The following A2ML1 variants were observed in gnomAD, a reference collection of about 807,000 sequenced individuals.
The protein encoded by A2ML1 is alpha-2-macroglobulin-like protein 1.
A neutral mutation model predicts 181.9 loss-of-function variants in A2ML1; 161 were observed. The observed-to-expected ratio is 0.89, with a 90% CI of 0.78 to 1.01. The LOEUF is 1.01. Among genes scored for constraint, A2ML1 ranks in the 50% least tolerant of loss-of-function variants. The probability of loss-of-function intolerance (pLI) is 0.00; values close to 1 mark genes in which losing one functional copy is unlikely to be tolerated. For missense variants in A2ML1, 1,670 were observed against 1,768.1 expected (o/e 0.94, Z 1.00); for synonymous variants, 663 against 666.8 (o/e 0.99, Z 0.09).
Position 8,835,682 on chromosome 12 carries a change from G to A in A2ML1, c.643+16G>A, listed in dbSNP as rs780215124. The A allele has an allele frequency of 7.4e-6, 12 of 1,613,774 alleles. No individual in the cohort carries two copies. Among genetic ancestry groups the A allele is most frequent in the Non-Finnish European group, 9.3e-6 (11 of 1,179,906 alleles). On this transcript the variant is annotated intron_variant, in intron 6 of 35. Coordinates refer to ENST00000299698, the MANE Select transcript of A2ML1 (RefSeq NM_144670.6). ...GAGGAATATGGTAGGTGGGGAAATG[G>A]ACAGGCCAAAGTATTGGGCATAATC...
intron 11 of A2ML1, among the ~76,000 whole-genome samples, chr12:8,842,339 TC>T (rs1379751601): frequency 4.8e-4 from 73 of 151,672 alleles, no homozygotes; most frequent in Non-Finnish European, 7.4e-4. Flanking sequence ...TGCCTCAGCC[TC>T]CCCGAGTAGC....
rs867773372 is a variant in A2ML1 at position 8,841,430 on chromosome 12, A to G, written c.1142A>G (p.Tyr381Cys). Reference protein sequence around the residue: ...LKNHLVFLVIYGTNGTFNQTL... With the variant: ...LKNHLVFLVICGTNGTFNQTL... Reference sequence around the variant, plus strand: ...AACCATCTAGTGTTTCTGGTGATTTATGGCACAAATGGAACCTTCAACCAG... The same window carrying G: ...AACCATCTAGTGTTTCTGGTGATTTGTGGCACAAATGGAACCTTCAACCAG... Residue 381 changes from tyrosine to cysteine, a missense_variant, in exon 11 of 36, where the codon TAT (tyrosine) becomes TGT (cysteine). Transcript: ENST00000299698. 14 of 1,613,972 alleles carry G rather than the reference A, an allele frequency of 8.7e-6. No homozygotes were observed. In the African/African-American group the frequency reaches 9.3e-5, roughly 11 times the overall value.
chr12:8,834,762 A>G, intron 5 of A2ML1, 80 bp downstream of exon 5: 1 of 1,565,968 alleles, frequency 6.4e-7, no homozygotes, highest in Admixed American at 1.7e-5. Context: ...TTGAAGACAG[A>G]AGCAACTCTG....
chr12:8,887,078 A>T (rs1256245462), downstream of A2ML1: 1 of 152,094 alleles, frequency 6.6e-6, no homozygotes, highest in Non-Finnish European at 1.5e-5. Flanking sequence ...GGATCACTTA[A>T]GCCCAGGAGG....
intron 1 of A2ML1, among the ~76,000 whole-genome samples, 178 bp from the exon 2 acceptor site, chr12:8,823,004 G>A (rs1030416361): frequency 6.6e-6 from 1 of 152,198 alleles, no homozygotes; most frequent in Non-Finnish European, 1.5e-5. Flanking sequence ...GATGGCGGAA[G>A]TTGAAGACTG....
rs774158764 is a variant in A2ML1, at chr12:8,867,916, G to C, written c.3792G>C (p.Leu1264=). The C allele has an allele frequency of 2.5e-6, 4 of 1,614,196 alleles. No homozygotes were observed. Among genetic ancestry groups the C allele is most frequent in the Non-Finnish European group, 2.5e-6 (3 of 1,180,034 alleles). The change falls in exon 30 of 36, where the codon CTG becomes CTC. Residue 1264 remains leucine (L), a synonymous_variant. Transcript: ENST00000299698. ...TAYMPSEEIN[L]VVKSTENFQR... is the part of the protein sequence containing the mutation. ...ACATGCCATCTGAGGAGATCAACCT[G>C]GTTGTAAAATCCACTGAGAATTTCC...
At chr12:8,865,315 G>A (rs1220803912) in intron 29 of A2ML1, among the ~76,000 whole-genome samples, 9 of 149,602 alleles carry the variant, frequency 6.0e-5, no homozygotes, top group Middle Eastern at 3.4e-3. Flanking sequence ...CGAGGCAGGC[G>A]GATCACCTGA....
At chr12:8,856,642 T>C (rs1018479563) in intron 23 of A2ML1, among the ~76,000 whole-genome samples, 1 of 152,182 alleles carries the variant, frequency 6.6e-6, no homozygotes, top group Non-Finnish European at 1.5e-5. Flanking sequence ...CTAAGTGTTA[T>C]AAGTTTTGTC....
chr12:8,851,727 A>G, intron 18 of A2ML1, 57 bp from the exon 19 acceptor site: 2 of 1,557,074 alleles, frequency 1.3e-6, no homozygotes, highest in Non-Finnish European at 1.8e-6. Flanking sequence ...TTAATTCACA[A>G]ATGTTCTCCT....
chr12:8,850,606 G>C (rs1565480117), intron 18 of A2ML1, among the ~76,000 whole-genome samples: 1 of 151,318 alleles, frequency 6.6e-6, no homozygotes, highest in Non-Finnish European at 1.5e-5. Context: ...AACAAACCCA[G>C]AAAAAAAACA....
At position 8,851,808 on chromosome 12, in the gene A2ML1, C is replaced by T. The variant is rs747555996; in HGVS notation, c.2259C>T (p.His753=). Residue 753 remains histidine (H), a synonymous_variant, in exon 19 of 36, where the codon CAC becomes CAT. Transcript: ENST00000299698. ...PIGNSGKEAV[H]VTVPDAITEW... is the part of the protein sequence containing the mutation. ...GTAACTCGGGGAAGGAGGCGGTCCA[C>T]GTCACAGTTCCTGACGCCATCACCG... The T allele has an allele frequency of 3.5e-5, 56 of 1,614,142 alleles. No homozygotes were observed. The highest frequency in any genetic ancestry group is 8.9e-5 in the East Asian group (4 of 44,886).
At chr12:8,842,114 CA>C (rs1943498553) in intron 11 of A2ML1, among the ~76,000 whole-genome samples, 1 of 152,232 alleles carries the variant, frequency 6.6e-6, no homozygotes, top group Non-Finnish European at 1.5e-5. Flanking sequence ...GCCTCTCATG[CA>C]GGAGCCAGCT....
At chr12:8,885,227 T>C (rs1944910664) in intron 7 of A2ML1, among the ~76,000 whole-genome samples, 1 of 152,140 alleles carries the variant, frequency 6.6e-6, no homozygotes, top group Admixed American at 6.6e-5. Context: ...TTAATATAGT[T>C]CAAGTGAGTG....
chr12:8,872,135 C>A (rs192628145), intron 33 of A2ML1, among the ~76,000 whole-genome samples: 161 of 150,796 alleles, frequency 1.1e-3, no homozygotes, highest in African/African-American at 3.8e-3. Context: ...GCCGAGATTG[C>A]GCCACTGCAC....
chr12:8,855,670 A>G (rs2136904030), intron 23 of A2ML1, 78 bp downstream of exon 23: 2 of 1,365,018 alleles, frequency 1.5e-6, no homozygotes, highest in South Asian at 1.2e-5. Context: ...GGCGGGACAT[A>G]CGGACCTATC....
rs545143402 is a variant in A2ML1 at position 8,827,138 on chromosome 12, C to T, written c.410-2589C>T. On this transcript the variant is annotated intron_variant, in intron 3 of 35. Coordinates refer to ENST00000299698, the MANE Select transcript of A2ML1 (RefSeq NM_144670.6). ...GGCAAATCACCTGAGATGAGTATTT[C>T]GAGACCAGCCTGGCCAACATGGCAA... is the stretch of plus-strand genomic sequence containing the variant. Among the ~76,000 whole-genome samples, 327 of 152,096 alleles carry T rather than the reference C, an allele frequency of 2.1e-3. 1 individual carries two copies. Among genetic ancestry groups the T allele is most frequent in the Non-Finnish European group, 4.0e-3 (274 of 68,010 alleles).
In A2ML1 at chr12:8,855,487, C is replaced by T. The variant is rs146863619; in HGVS notation, c.2765-22C>T. On this transcript the variant is annotated intron_variant, in intron 22 of 35. Transcript: ENST00000299698. ...CCATTCCCCATCTTCTATTGTGTCACCTTTTTTTCTGCATCTCACAGGAAA... is the reference window on the plus strand; with the variant it reads ...CCATTCCCCATCTTCTATTGTGTCATCTTTTTTTCTGCATCTCACAGGAAA... 1.7e-4 allele frequency: 282 copies of T among 1,613,028 alleles called. 2 individuals are homozygous for T. In the East Asian group the frequency reaches 6.0e-3, roughly 34 times the overall value.
At chr12:8,855,464 A>G (rs754053307) in intron 22 of A2ML1, 45 bp from the exon 23 acceptor site, 2 of 1,593,136 alleles carry the variant, frequency 1.3e-6, no homozygotes, top group Non-Finnish European at 1.7e-6. Context: ...AACCCCTGCC[A>G]TTCCCCATCT....
At chr12:8,871,375 T>G (rs931416655) in intron 33 of A2ML1, among the ~76,000 whole-genome samples, 2 of 152,266 alleles carry the variant, frequency 1.3e-5, no homozygotes, top group Non-Finnish European at 1.5e-5. Flanking sequence ...TCATTATTTC[T>G]GTTGTTCATG....
Sources: allele counts gnomAD v4.1 joint callset (sites outside exome capture counted in the v4.1 genomes callset), GRCh38; gene constraint gnomAD v4.1.1; transcripts MANE v1.5; gene names NCBI Gene and HGNC (gene_info 2026-07-23, HGNC 2026-07-21).